Variants in SCD5 observed in about 807,000 individuals in gnomAD.
The protein encoded by SCD5 is acyl-CoA-desaturase 4.
Under a neutral mutation model 30.4 loss-of-function variants are expected in SCD5, and 20 were observed. The ratio of observed to expected loss-of-function variants is 0.66; its 90% CI spans 0.46 to 0.96. The LOEUF (loss-of-function observed/expected upper bound fraction) is 0.96. SCD5 is among the 40% of genes least tolerant of loss of function. The pLI, the probability that SCD5 is intolerant of heterozygous loss-of-function variation, is 0.00. For missense variants in SCD5, 381 were observed against 443.3 expected, an observed-to-expected ratio of 0.86 and a Z score of 1.26; for synonymous variants, 173 against 176.4, an observed-to-expected ratio of 0.98 and a Z score of 0.16.
chr4:82,790,429 AG>A (rs144613563), intron 1 of SCD5, among the ~76,000 whole-genome samples: 3,194 of 152,182 alleles, frequency 0.021, 105 homozygotes, highest in African/African-American at 0.072. Context: ...TGAACAATTG[AG>A]TTCTTGAGCT....
At chr4:82,702,128 A>ATTTTTTTTT (rs1162863297) in intron 2 of SCD5, among the ~76,000 whole-genome samples, 11 of 84,786 alleles carry the variant, frequency 1.3e-4, no homozygotes, top group East Asian at 6.0e-4. Context: ...CCCCATCATC[A>ATTTTTTTTT]TCTTTTTTTT....
At chr4:82,740,049 A>G (rs560754942) in intron 1 of SCD5, among the ~76,000 whole-genome samples, 9 of 152,214 alleles carry the variant, frequency 5.9e-5, no homozygotes, top group African/African-American at 1.4e-4. Context: ...CCAGCCTCCA[A>G]TGCCATTCCT....
chr4:82,702,897 T>A (rs1479797969), intron 2 of SCD5, among the ~76,000 whole-genome samples: 4 of 152,206 alleles, frequency 2.6e-5, no homozygotes, highest in African/African-American at 9.7e-5. Flanking sequence ...TAGTTCTAGT[T>A]CTGTTCTAGT....
intron 1 of SCD5, among the ~76,000 whole-genome samples, chr4:82,752,291 A>G (rs867361134): frequency 4.0e-5 from 6 of 150,466 alleles, no homozygotes; most frequent in Non-Finnish European, 8.9e-5. Flanking sequence ...ATATATATAT[A>G]TGCAAAATCA....
intron 1 of SCD5, among the ~76,000 whole-genome samples, chr4:82,764,076 C>A (rs1378411612): frequency 1.4e-4 from 21 of 152,200 alleles, no homozygotes; most frequent in Non-Finnish European, 1.5e-5. Flanking sequence ...TTGGGCCTCA[C>A]TTTTTAAACC....
At chr4:82,754,792 CTTTTAT>C (rs1721198131) in intron 1 of SCD5, among the ~76,000 whole-genome samples, 1 of 152,156 alleles carries the variant, frequency 6.6e-6, no homozygotes, top group African/African-American at 2.4e-5. Flanking sequence ...GGGGATGAAG[CTTTTAT>C]TTTTAACACT....
At chr4:82,733,833 C>T (rs769318282) in intron 1 of SCD5, among the ~76,000 whole-genome samples, 3 of 152,212 alleles carry the variant, frequency 2.0e-5, no homozygotes, top group Non-Finnish European at 2.9e-5. Flanking sequence ...CTCAGGCCCA[C>T]CACCCTCTGA....
rs115417864 is a variant in SCD5, at chr4:82,745,395, G to A, written c.233-39982C>T. 2.4e-3 allele frequency among the ~76,000 whole-genome samples: 373 copies of A among 152,296 alleles called. 2 individuals carry two copies. The highest frequency in any genetic ancestry group is 8.4e-3 in the African/African-American group (349 of 41,544). On this transcript the variant is annotated intron_variant, in intron 1 of 4. Coordinates refer to ENST00000319540, the MANE Select transcript of SCD5 (RefSeq NM_001037582.3). ...CAAATCCTAAGCAGTGACTTGCTGG[G>A]TGAGCACGGCTCAGAACAAGGAGAG...
chr4:82,695,001 C>A (rs1003094664), intron 2 of SCD5, among the ~76,000 whole-genome samples: 2 of 129,316 alleles, frequency 1.5e-5, no homozygotes, highest in Non-Finnish European at 3.2e-5. Flanking sequence ...GTACAGGTAG[C>A]CTGGGGACCC....
rs749509980 is a variant in SCD5 at position 82,636,839 on chromosome 4, C to G, written c.570-16G>C. ...CTTATAGTACCTACAGGGCAAGACA[C>G]CATATCACCATGAGGACCCGCTGAT... On this transcript the variant is annotated splice_polypyrimidine_tract_variant and intron_variant, in intron 3 of 4. Coordinates refer to ENST00000319540, the MANE Select transcript of SCD5 (RefSeq NM_001037582.3). 4 of 1,587,702 alleles carry G rather than the reference C, an allele frequency of 2.5e-6. No individual in the cohort carries two copies. Among genetic ancestry groups the G allele is most frequent in the African/African-American group, 1.3e-5 (1 of 74,304 alleles).
chr4:82,760,968 G>C (rs907032147), intron 1 of SCD5, among the ~76,000 whole-genome samples: 1 of 152,166 alleles, frequency 6.6e-6, no homozygotes, highest in Non-Finnish European at 1.5e-5. Context: ...GCTTGCCATT[G>C]GGAGAATTCA....
intron 1 of SCD5, among the ~76,000 whole-genome samples, chr4:82,726,828 T>G (rs1416490930): frequency 6.6e-6 from 1 of 152,172 alleles, no homozygotes; most frequent in Non-Finnish European, 1.5e-5. Context: ...TCCCATCTCA[T>G]ACACAGCCCT....
intron 1 of SCD5, among the ~76,000 whole-genome samples, chr4:82,792,013 T>G (rs1391253526): frequency 6.6e-6 from 1 of 152,242 alleles, no homozygotes; most frequent in Non-Finnish European, 1.5e-5. Context: ...ATCCCAGCAC[T>G]TTGGGAGGCC....
chr4:82,663,698 C>T (rs1728075771), intron 3 of SCD5, among the ~76,000 whole-genome samples: 1 of 152,204 alleles, frequency 6.6e-6, no homozygotes, highest in South Asian at 2.1e-4. Context: ...ATACAGACAC[C>T]TTCTGGCCCT....
chr4:82,668,711 T>A (rs560021055), intron 3 of SCD5, among the ~76,000 whole-genome samples: 4 of 152,286 alleles, frequency 2.6e-5, no homozygotes, highest in Admixed American at 2.6e-4. Context: ...CCAAGTTTGG[T>A]TTCCCTGCTG....
At chr4:82,774,088 C>CAAA (rs61709785) in intron 1 of SCD5, among the ~76,000 whole-genome samples, 1 of 91,542 alleles carries the variant, frequency 1.1e-5, no homozygotes, top group Non-Finnish European at 2.3e-5. Flanking sequence ...GACTCCATCT[C>CAAA]AAAAAAAAAA....
At chr4:82,691,266 T>A (rs1728829964) in intron 2 of SCD5, among the ~76,000 whole-genome samples, 1 of 152,162 alleles carries the variant, frequency 6.6e-6, no homozygotes, top group Non-Finnish European at 1.5e-5. Flanking sequence ...CCTCAGGTGA[T>A]CCACCTGCCT....
intron 3 of SCD5, 23 bp downstream of exon 3, chr4:82,680,684 C>G (rs1560532164): frequency 1.9e-6 from 3 of 1,612,476 alleles, no homozygotes; most frequent in Non-Finnish European, 2.5e-6. Context: ...AGGGACAGCT[C>G]TCCGTCATGC....
chr4:82,785,070 G>T (rs936541966), intron 1 of SCD5, among the ~76,000 whole-genome samples: 1 of 152,194 alleles, frequency 6.6e-6, no homozygotes, highest in African/African-American at 2.4e-5. Flanking sequence ...GCTCTGCCAA[G>T]TAAAGTGCAG....
Sources: allele counts gnomAD v4.1 joint callset (sites outside exome capture counted in the v4.1 genomes callset), GRCh38; gene constraint gnomAD v4.1.1; transcripts MANE v1.5; gene names NCBI Gene and HGNC (gene_info 2026-07-23, HGNC 2026-07-21).